Variants in ERN1 observed in about 807,000 individuals in gnomAD.
The protein encoded by ERN1 is serine/threonine-protein kinase/endoribonuclease IRE1.
In ERN1, 39 loss-of-function variants were observed where a neutral mutation model predicts 113.1. The ratio of observed to expected loss-of-function variants is 0.34; its 90% CI spans 0.27 to 0.45. ERN1 has a LOEUF of 0.45. ERN1 is among the 20% of genes least tolerant of loss of function. The pLI is 1.00. For synonymous variants in ERN1, 507 were observed against 515.9 expected (o/e 0.98, Z 0.23); for missense variants, 976 against 1,274.8 (o/e 0.77, Z 3.57).
intron 1 of ERN1, chr17:64,129,077 C>G (rs958098525): frequency 6.6e-6 from 1 of 151,896 alleles, no homozygotes; most frequent in African/African-American, 2.4e-5. Context: ...GAAAAACATT[C>G]GCTAATTTAG....
At chr17:64,065,902 T>C (rs1331207161) in intron 8 of ERN1, among the ~76,000 whole-genome samples, 1 of 152,200 alleles carries the variant, frequency 6.6e-6, no homozygotes, top group Non-Finnish European at 1.5e-5. Flanking sequence ...CTCCTGGCCC[T>C]TCTGCTTACT....
At chr17:64,048,892 C>T (rs75779045) in intron 18 of ERN1, among the ~76,000 whole-genome samples, 163 bp downstream of exon 18, 13,736 of 152,178 alleles carry the variant, frequency 0.09, 684 homozygotes, top group African/African-American at 0.11. Flanking sequence ...CCCTACCAAC[C>T]CTCTACCAGA....
At position 64,075,251 on chromosome 17, in the gene ERN1, T is replaced by A. The variant is rs1337236399; in HGVS notation, c.283-4A>T. 492 of 1,288,134 alleles carry A rather than the reference T, an allele frequency of 3.8e-4. No individual in the cohort carries two copies. Among genetic ancestry groups the A allele is most frequent in the South Asian group, 6.6e-4 (43 of 65,440 alleles). The allele number at this position is 1,288,134 out of a possible 1,614,324, so 79.8% of individuals were successfully genotyped here. On this transcript the variant is annotated splice_polypyrimidine_tract_variant and splice_region_variant and intron_variant, in intron 4 of 21. Transcript: ENST00000433197. ...CTGGGATGGTAAAAGGAAGTTTCTT[T>A]AAAAAAAAAAAAAAAGAAAAAAAAA... is the stretch of plus-strand genomic sequence containing the variant.
Position 64,067,092 on chromosome 17 carries a change from C to T in ERN1, c.581-160G>A, listed in dbSNP as rs562187479. ...CAATTTCACTTGTTTCCAATGAACT[C>T]GCTTAGTCTCTGTAATATCAAGACA... is the stretch of plus-strand genomic sequence containing the variant. On this transcript the variant is annotated intron_variant, in intron 7 of 21. Transcript: ENST00000433197. 8.5e-5 allele frequency: 63 copies of T among 742,176 alleles called. No homozygotes were observed. The African/African-American group carries it at 9.5e-4, about 11-fold the overall frequency. 46.0% of individuals were successfully genotyped at this position (742,176 alleles called of 1,614,324 possible).
intron 1 of ERN1, among the ~76,000 whole-genome samples, chr17:64,105,112 C>G (rs570826862): frequency 6.9e-6 from 1 of 145,982 alleles, no homozygotes; most frequent in Non-Finnish European, 1.5e-5. Flanking sequence ...CTGTACATCC[C>G]TCTCTCTTTT....
intron 8 of ERN1, 117 bp downstream of exon 8, chr17:64,066,554 C>G: frequency 7.9e-7 from 1 of 1,266,110 alleles, no homozygotes; most frequent in South Asian, 1.5e-5. Context: ...CTGAATATTC[C>G]TCATGGCTTC....
At chr17:64,110,251 TA>T (rs1225911049) in intron 1 of ERN1, among the ~76,000 whole-genome samples, 29 of 152,346 alleles carry the variant, frequency 1.9e-4, no homozygotes, top group African/African-American at 7.0e-4. Context: ...TATATATACT[TA>T]CGGTGTACAA....
rs200062190 is a variant in ERN1, at chr17:64,057,897, C to T, written c.1303G>A (p.Ala435Thr). Residue 435 changes from alanine to threonine, a missense_variant, in exon 12 of 22, where the codon GCC (alanine) becomes ACC (threonine). Physicochemically the swap from Ala to Thr is moderately conservative, Grantham distance 58. Coordinates refer to ENST00000433197, the MANE Select transcript of ERN1 (RefSeq NM_001433.5). ...KPAHAPARPE[A>T]PVDSMLKDMA... ...TCCTTAAGCATGGAGTCCACGGGGG[C>T]CTCGGGCCGGGCAGGGGCATGGGCG... 1.5e-5 allele frequency: 24 copies of T among 1,613,464 alleles called. No homozygotes were observed. The Admixed American group carries it at 2.5e-4, about 17-fold the overall frequency.
chr17:64,128,483 C>T (rs936957339), intron 1 of ERN1, among the ~76,000 whole-genome samples: 3 of 152,106 alleles, frequency 2.0e-5, no homozygotes, highest in African/African-American at 7.2e-5. Flanking sequence ...GCTCTTTAGC[C>T]TAAGTTATTC....
intron 4 of ERN1, 119 bp downstream of exon 4, chr17:64,079,543 T>A (rs1438664910): frequency 8.6e-6 from 6 of 699,266 alleles, no homozygotes; most frequent in Non-Finnish European, 1.5e-5. Flanking sequence ...TGAATCAGAA[T>A]CCCCAGGGGT....
At chr17:64,086,561 A>C (rs1425470983) in intron 2 of ERN1, among the ~76,000 whole-genome samples, 1 of 151,630 alleles carries the variant, frequency 6.6e-6, no homozygotes, top group Non-Finnish European at 1.5e-5. Flanking sequence ...GGCTGGTGTG[A>C]ATAAAGCTTC....
rs1912351587 is a variant in ERN1, at chr17:64,041,938, G to C, written c.*2050C>G. 3 of 152,178 alleles carry C rather than the reference G, an allele frequency of 2.0e-5. No individual in the cohort carries two copies. In the South Asian group the frequency reaches 6.2e-4, roughly 31 times the overall value. 9.4% of individuals were successfully genotyped at this position (152,178 alleles called of 1,614,324 possible). A position where few individuals can be genotyped will look rare whatever the true frequency, so the allele number is the denominator to read the frequency against. On this transcript the variant is annotated 3_prime_UTR_variant, in exon 22 of 22. Coordinates refer to ENST00000433197, the MANE Select transcript of ERN1 (RefSeq NM_001433.5). ...GGAAACAGTTGTCTCTAGGCAAGTG[G>C]GGCTAAAACAGGGAGATGACACAAA... is the stretch of plus-strand genomic sequence containing the variant.
rs1912600032 is a variant in ERN1, at chr17:64,049,052, C to T, written c.2401+3G>A. 8 of 1,582,242 alleles carry T rather than the reference C, an allele frequency of 5.1e-6. No homozygotes were observed. Among genetic ancestry groups the T allele is most frequent in the Non-Finnish European group, 6.9e-6 (8 of 1,156,984 alleles). On this transcript the variant is annotated splice_donor_region_variant and intron_variant, in intron 18 of 21. Transcript: ENST00000433197. The surrounding 1 kb of genome is among the most constrained non-coding windows in gnomAD (Gnocchi z 4.7). ...TCCCAACCCCAACCCCTGGACCGCT[C>T]ACCGTGCTTCTCTGGGTGCAAGCAG...
chr17:64,052,166 C>A (rs1186910560), intron 17 of ERN1, among the ~76,000 whole-genome samples: 2 of 152,182 alleles, frequency 1.3e-5, no homozygotes, highest in East Asian at 1.9e-4. Context: ...CCAGCCTGGG[C>A]AAAATAGCGA....
chr17:64,092,362 G>T (rs1260873658), intron 2 of ERN1, among the ~76,000 whole-genome samples: 1 of 152,124 alleles, frequency 6.6e-6, no homozygotes, highest in African/African-American at 2.4e-5. Context: ...TTTAGAAAGA[G>T]ACACTCACGT....
chr17:64,114,418 G>A (rs1238835199), intron 1 of ERN1, among the ~76,000 whole-genome samples: 2 of 152,192 alleles, frequency 1.3e-5, no homozygotes, highest in East Asian at 3.8e-4. Context: ...AATGATGTTT[G>A]AGTTAAGATC....
intron 4 of ERN1, 114 bp from the exon 5 acceptor site, chr17:64,075,361 T>G (rs1913560363): frequency 2.3e-6 from 2 of 877,626 alleles, no homozygotes; most frequent in South Asian, 1.7e-5. Context: ...AGAGAAGCAC[T>G]TTGCAGATGA....
At chr17:64,077,306 C>T (rs75682469) in intron 4 of ERN1, among the ~76,000 whole-genome samples, 292 of 152,294 alleles carry the variant, frequency 1.9e-3, no homozygotes, top group African/African-American at 6.5e-3. Context: ...CCTACTGATG[C>T]ATAATACGCA....
chr17:64,099,338 GT>G (rs1247584839), intron 1 of ERN1, among the ~76,000 whole-genome samples: 6 of 151,884 alleles, frequency 4.0e-5, no homozygotes, highest in African/African-American at 1.2e-4. Context: ...ATTCCACAGG[GT>G]TTCCATGGGA....
Sources: gnomAD v4.1 joint callset for allele counts (sites outside exome capture counted in the v4.1 genomes callset) on GRCh38, gnomAD v4.1.1 for gene constraint, Gnocchi (gnomAD v3.1) non-coding constraint, MANE v1.5 for transcripts, NCBI Gene and HGNC (gene_info 2026-07-23, HGNC 2026-07-21) for gene names.